Variants in SLC2A13 observed in about 807,000 individuals in gnomAD.
SLC2A13 encodes proton myo-inositol cotransporter.
A neutral mutation model predicts 64.4 loss-of-function variants in SLC2A13; 32 were observed. That is an observed-to-expected ratio of 0.50 (90% CI 0.37 to 0.67). The LOEUF (loss-of-function observed/expected upper bound fraction) is 0.67. SLC2A13 is among the 30% of genes least tolerant of loss of function. The probability of loss-of-function intolerance (pLI) is 0.00; values close to 1 mark genes in which losing one functional copy is unlikely to be tolerated. For missense variants in SLC2A13, 743 were observed against 829.2 expected (o/e 0.90, Z 1.28); for synonymous variants, 338 against 327.1 (o/e 1.03, Z -0.36).
chr12:39,944,617 T>C (rs184166248), intron 4 of SLC2A13, among the ~76,000 whole-genome samples: 255 of 152,388 alleles, frequency 1.7e-3, no homozygotes, highest in Middle Eastern at 3.4e-3. Flanking sequence ...TTCTTTGAAC[T>C]GCTATTGCTT....
At chr12:39,982,390 C>A (rs1946924421) in intron 3 of SLC2A13, among the ~76,000 whole-genome samples, 1 of 141,544 alleles carries the variant, frequency 7.1e-6, no homozygotes, top group African/African-American at 2.6e-5. Flanking sequence ...TCAAATTGTC[C>A]CTGTTTGCAG....
chr12:39,790,279 T>C (rs1055944962), intron 7 of SLC2A13, among the ~76,000 whole-genome samples: 1 of 151,812 alleles, frequency 6.6e-6, no homozygotes, highest in Non-Finnish European at 1.5e-5. Flanking sequence ...TGCAGGTTAG[T>C]TACATATGTA....
intron 4 of SLC2A13, among the ~76,000 whole-genome samples, chr12:39,877,143 A>G (rs1198124627): frequency 6.6e-6 from 1 of 152,164 alleles, no homozygotes; most frequent in Non-Finnish European, 1.5e-5. Flanking sequence ...AAAAACAAGG[A>G]TAACTCTATT....
At chr12:39,874,574 C>A (rs1017621260) in intron 4 of SLC2A13, among the ~76,000 whole-genome samples, 1 of 147,524 alleles carries the variant, frequency 6.8e-6, no homozygotes, top group South Asian at 2.2e-4. Flanking sequence ...AAGATCACAC[C>A]ATTGCACTCC....
At chr12:39,897,923 AG>A (rs768258776) in intron 4 of SLC2A13, among the ~76,000 whole-genome samples, 26 of 152,120 alleles carry the variant, frequency 1.7e-4, no homozygotes, top group Non-Finnish European at 3.1e-4. Context: ...ATGAAATATA[AG>A]AATTTTGAAT....
At chr12:39,951,583 C>T (rs1052328249) in intron 3 of SLC2A13, among the ~76,000 whole-genome samples, 3 of 152,028 alleles carry the variant, frequency 2.0e-5, no homozygotes, top group African/African-American at 2.4e-5. Context: ...ACTGTAAAAG[C>T]GACAAGAGAT....
intron 4 of SLC2A13, among the ~76,000 whole-genome samples, chr12:39,916,594 A>T (rs1187634112): frequency 6.6e-6 from 1 of 152,068 alleles, no homozygotes; most frequent in Admixed American, 6.6e-5. Context: ...TTTAAAATTA[A>T]TCTCATTTTT....
At chr12:39,780,184 C>A (rs1232576085) in intron 7 of SLC2A13, among the ~76,000 whole-genome samples, 1 of 150,898 alleles carries the variant, frequency 6.6e-6, no homozygotes, top group Non-Finnish European at 1.5e-5. Context: ...GCAATAGCAT[C>A]ATTATTCCCA....
intron 4 of SLC2A13, among the ~76,000 whole-genome samples, chr12:39,882,126 C>A (rs1459316302): frequency 2.0e-5 from 3 of 152,182 alleles, no homozygotes; most frequent in Non-Finnish European, 2.9e-5. Flanking sequence ...CATCATCACT[C>A]ATTCCTGCCC....
intron 6 of SLC2A13, among the ~76,000 whole-genome samples, chr12:39,858,852 C>A (rs148585160): frequency 6.6e-6 from 1 of 152,138 alleles, no homozygotes; most frequent in African/African-American, 2.4e-5. Context: ...ATGATCCACC[C>A]GCTTTGGCCT....
At chr12:39,822,712 TCA>T (rs1488420302) in intron 7 of SLC2A13, among the ~76,000 whole-genome samples, 3 of 152,200 alleles carry the variant, frequency 2.0e-5, no homozygotes, top group Non-Finnish European at 4.4e-5. Context: ...GAGAAATAAC[TCA>T]CAGTCTACTT....
At chr12:39,991,698 C>A (rs1420977352) in intron 3 of SLC2A13, among the ~76,000 whole-genome samples, 4 of 152,164 alleles carry the variant, frequency 2.6e-5, no homozygotes, top group African/African-American at 9.7e-5. Flanking sequence ...AAAAATATGT[C>A]CCACTCACCA....
intron 3 of SLC2A13, among the ~76,000 whole-genome samples, chr12:40,026,590 A>G (rs187605179): frequency 6.6e-6 from 1 of 152,344 alleles, no homozygotes; most frequent in East Asian, 1.9e-4. Context: ...TATATCCTTA[A>G]TGCTTTGCAA....
chr12:40,063,913 G>T (rs1948467180), intron 1 of SLC2A13, among the ~76,000 whole-genome samples: 2 of 152,056 alleles, frequency 1.3e-5, no homozygotes, highest in South Asian at 4.2e-4. Context: ...TTTTGTATGA[G>T]AATTCTTCAG....
chr12:40,001,377 T>C (rs1405996238), intron 3 of SLC2A13, among the ~76,000 whole-genome samples: 1 of 152,214 alleles, frequency 6.6e-6, no homozygotes, highest in Non-Finnish European at 1.5e-5. Context: ...AAAAGTCAGG[T>C]GAATGGATGT....
chr12:39,871,802 T>C lies in SLC2A13; in HGVS notation c.1194A>G (p.Leu398=). The C allele has an allele frequency of 6.2e-7, 1 of 1,600,724 alleles. No homozygotes were observed. The highest frequency in any genetic ancestry group is 8.5e-7 in the Non-Finnish European group (1 of 1,174,976). Residue 398 remains leucine (L), a synonymous_variant, in exon 5 of 10, where the codon TTA becomes TTG. Transcript: ENST00000280871. ...VGRRKLTFGS[L]AGTTVALIIL... Reference sequence around the variant, plus strand: ...ATTCTTTATCCAGCCACCTACCTGCTAAACTACCAAAGGTAAGCTTTCTGC... The same window carrying C: ...ATTCTTTATCCAGCCACCTACCTGCCAAACTACCAAAGGTAAGCTTTCTGC...
At chr12:39,882,761 A>G (rs1944373974) in intron 4 of SLC2A13, among the ~76,000 whole-genome samples, 1 of 150,804 alleles carries the variant, frequency 6.6e-6, no homozygotes, top group African/African-American at 2.4e-5. Flanking sequence ...CCTGTCTTCT[A>G]AATTCCTTCT....
intron 7 of SLC2A13, among the ~76,000 whole-genome samples, chr12:39,812,401 T>C (rs887957127): frequency 2.4e-4 from 34 of 143,250 alleles, no homozygotes; most frequent in Middle Eastern, 3.6e-3. Context: ...TCTCTCTCTT[T>C]CTTCCTTCCT....
At chr12:39,909,908 G>A (rs1485237049) in intron 4 of SLC2A13, among the ~76,000 whole-genome samples, 2 of 150,146 alleles carry the variant, frequency 1.3e-5, no homozygotes, top group Admixed American at 6.6e-5. Context: ...TGCCTCCCTG[G>A]ATACACAGGT....
Sources: allele counts gnomAD v4.1 joint callset (sites outside exome capture counted in the v4.1 genomes callset), GRCh38; gene constraint gnomAD v4.1.1; transcripts MANE v1.5; gene names NCBI Gene and HGNC (gene_info 2026-07-23, HGNC 2026-07-21).